Variants in CNTROB observed in about 807,000 individuals in gnomAD.
The protein encoded by CNTROB is centrobin, centriole duplication and spindle assembly protein, also known as centrobin.
In CNTROB, 82 loss-of-function variants were observed where a neutral mutation model predicts 115.7. That is an observed-to-expected ratio of 0.71 (90% CI 0.59 to 0.85). The LOEUF (loss-of-function observed/expected upper bound fraction) is 0.85. CNTROB is among the 40% of genes least tolerant of loss of function. The probability of loss-of-function intolerance (pLI) is 0.00; values close to 1 mark genes in which losing one functional copy is unlikely to be tolerated. For synonymous variants in CNTROB, 439 were observed against 456.4 expected, an observed-to-expected ratio of 0.96 and a Z score of 0.49; for missense variants, 1,014 against 1,144.4, an observed-to-expected ratio of 0.89 and a Z score of 1.64.
In CNTROB at chr17:7,943,465, G is replaced by A; in HGVS notation, c.1386G>A (p.Arg462=). The change falls in exon 10 of 19, where the codon CGG becomes CGA. Residue 462 remains arginine (R), a synonymous_variant. Coordinates refer to ENST00000563694, the MANE Select transcript of CNTROB (RefSeq NM_053051.5). This position sits in a 1 kb window ranked among gnomAD's most constrained non-coding sequence, Gnocchi z 4.7. ...AVQLEQRVTE[R]LAQAQESSLR... Reference sequence around the variant, plus strand: ...AGCTGGAGCAGCGGGTGACAGAGCGGCTGGCGCAGGCTCAGGAGAGCAGCC... The same window carrying A: ...AGCTGGAGCAGCGGGTGACAGAGCGACTGGCGCAGGCTCAGGAGAGCAGCC... 1.1e-5 allele frequency: 17 copies of A among 1,614,010 alleles called. No homozygotes were observed. The highest frequency in any genetic ancestry group is 1.4e-5 in the Non-Finnish European group (17 of 1,179,944).
chr17:7,948,115 A>G lies in CNTROB; in HGVS notation c.2210-42A>G, dbSNP rs376072260. The G allele has an allele frequency of 1.2e-6, 2 of 1,612,792 alleles. No homozygotes were observed. The highest frequency in any genetic ancestry group is 1.3e-5 in the African/African-American group (1 of 74,936). On this transcript the variant is annotated intron_variant, in intron 15 of 18. Coordinates refer to ENST00000563694, the MANE Select transcript of CNTROB (RefSeq NM_053051.5). This position sits in a 1 kb window ranked among gnomAD's most constrained non-coding sequence, Gnocchi z 4.4. ...TGGGTGGTGGGACTTCCTTGGTTCTATGCCCCATTTCCTGATTCTTGGCAT... is the reference window on the plus strand; with the variant it reads ...TGGGTGGTGGGACTTCCTTGGTTCTGTGCCCCATTTCCTGATTCTTGGCAT...
At position 7,945,656 on chromosome 17, in the gene CNTROB, G is replaced by T. The variant is rs569554184; in HGVS notation, c.1735-72G>T. The T allele has an allele frequency of 4.3e-5, 63 of 1,464,208 alleles. No individual in the cohort carries two copies. The African/African-American group carries it at 8.3e-4, about 19-fold the overall frequency. 90.7% of individuals were successfully genotyped at this position (1,464,208 alleles called of 1,614,324 possible). ...TCCGGAAATTTATAATCTTATTAAA[G>T]TGTTTGTACCATGTCTTATCTCTTT... On this transcript the variant is annotated intron_variant, in intron 12 of 18. Transcript: ENST00000563694.
chr17:7,949,129 C>G lies in CNTROB; in HGVS notation c.2558C>G (p.Ser853Cys). The part of the protein sequence containing the change: ...GDNVPRRNTD[S>C]RLGEIPRKEI... ...AATGTCCCCAGAAGGAACACAGACT[C>G]CCGCTTGGGTGAGATCCCCCGGAAA... The change falls in exon 18 of 19, where the codon TCC becomes TGC. Residue 853 changes from serine (S) to cysteine (C), a missense_variant. Transcript: ENST00000563694. The G allele has an allele frequency of 6.2e-7, 1 of 1,614,110 alleles. No homozygotes were observed. The highest frequency in any genetic ancestry group is 8.5e-7 in the Non-Finnish European group (1 of 1,179,998).
intron 4 of CNTROB, 52 bp downstream of exon 4, chr17:7,935,197 C>A (rs1471406827): frequency 1.9e-6 from 3 of 1,610,250 alleles, no homozygotes; most frequent in Admixed American, 1.7e-5. Context: ...AAAGAGGGGA[C>A]CCAAGTGTTG....
In CNTROB at chr17:7,943,506, C is replaced by T. The variant is rs201938880; in HGVS notation, c.1427C>T (p.Ser476Phe). Residue 476 changes from serine (S) to phenylalanine (F), a missense_variant, in exon 10 of 19, where the codon TCC becomes TTC. Ser to Phe is a radical substitution (Grantham distance 155, BLOSUM62 -2). Coordinates refer to ENST00000563694, the MANE Select transcript of CNTROB (RefSeq NM_053051.5). This position sits in a 1 kb window ranked among gnomAD's most constrained non-coding sequence, Gnocchi z 4.7. ...AQESSLRQAA[S>F]LREHHRKQLQ... ...GAGAGCAGCCTACGGCAAGCAGCCT[C>T]CCTCAGGGAACATCACAGGTACGTG... is the stretch of plus-strand genomic sequence containing the variant. The T allele has an allele frequency of 1.4e-5, 22 of 1,613,164 alleles. No homozygotes were observed. Among genetic ancestry groups the T allele is most frequent in the Non-Finnish European group, 1.8e-5 (21 of 1,179,384 alleles).
chr17:7,949,491 G>A lies in CNTROB; in HGVS notation c.2693G>A (p.Arg898Gln), dbSNP rs754474845. ...CCTGCCCCGAGTAGCATGAGGAGCC[G>A]GGGGGGAGTCTGGAGATGAGCCCCC... Reference protein sequence around the residue: ...GHPAPSSMRSRGGVWR With the variant: ...GHPAPSSMRSQGGVWR Residue 898 changes from arginine to glutamine, a missense_variant, in exon 19 of 19, where the codon CGG (arginine) becomes CAG (glutamine). Physicochemically the swap from Arg to Gln is conservative, Grantham distance 43. Transcript: ENST00000563694. 18 of 1,608,422 alleles carry A rather than the reference G, an allele frequency of 1.1e-5. No individual in the cohort carries two copies. Among genetic ancestry groups the A allele is most frequent in the Non-Finnish European group, 1.4e-5 (16 of 1,176,344 alleles).
intron 7 of CNTROB, among the ~76,000 whole-genome samples, chr17:7,938,272 T>C (rs991070336): frequency 2.0e-5 from 3 of 152,200 alleles, no homozygotes; most frequent in Non-Finnish European, 4.4e-5. Flanking sequence ...CCCAAAGTGC[T>C]GGGATTACAG....
chr17:7,948,823 C>G lies in CNTROB; in HGVS notation c.2513+204C>G. ...CTTTCTATTGCTTTTTTCTTCTAAA[C>G]AAAAAAATCTTTTCCCCGGGTCTCT... On this transcript the variant is annotated intron_variant, in intron 17 of 18. Transcript: ENST00000563694. The surrounding 1 kb of genome is among the most constrained non-coding windows in gnomAD (Gnocchi z 4.4). 6.8e-7 allele frequency: 1 copy of G among 1,464,584 alleles called. No individual in the cohort carries two copies. Among genetic ancestry groups the G allele is most frequent in the Non-Finnish European group, 9.0e-7 (1 of 1,108,454 alleles). 90.7% of individuals were successfully genotyped at this position (1,464,584 alleles called of 1,614,324 possible). A position where few individuals can be genotyped will look rare whatever the true frequency, so the allele number is the denominator to read the frequency against.
rs948611595 is a variant in CNTROB, at chr17:7,939,894, G to A, written c.1164+145G>A. The stretch of plus-strand genomic sequence containing the variant: ...CCATGTGTGGGAGACAAGGTTGAGA[G>A]TATAGGGCCAGCAGGAAGGGCTGGG... On this transcript the variant is annotated intron_variant, in intron 8 of 18. Coordinates refer to ENST00000563694, the MANE Select transcript of CNTROB (RefSeq NM_053051.5). This position sits in a 1 kb window ranked among gnomAD's most constrained non-coding sequence, Gnocchi z 4.4. 3 of 1,038,150 alleles carry A rather than the reference G, an allele frequency of 2.9e-6. No homozygotes were observed. Among genetic ancestry groups the A allele is most frequent in the African/African-American group, 3.2e-5 (2 of 62,952 alleles). The allele number at this position is 1,038,150 out of a possible 1,614,324, so 64.3% of individuals were successfully genotyped here.
Position 7,947,576 on chromosome 17 carries a change from G to A in CNTROB, c.1999G>A (p.Ala667Thr). Reference sequence around the variant, plus strand: ...ATACCTGTTTCACTTTATAGCTGGGGCCTTCTCTGCACTTGGGGCCTTCCA... The same window carrying A: ...ATACCTGTTTCACTTTATAGCTGGGACCTTCTCTGCACTTGGGGCCTTCCA... ...KPDLTSSTAGAFSALGAFHPD... is the reference protein window; with the variant it reads ...KPDLTSSTAGTFSALGAFHPD... Residue 667 changes from alanine to threonine, a missense_variant, in exon 14 of 19, where the codon GCC becomes ACC. Ala to Thr is a moderately conservative substitution (Grantham distance 58, BLOSUM62 0). Coordinates refer to ENST00000563694, the MANE Select transcript of CNTROB (RefSeq NM_053051.5). The A allele has an allele frequency of 6.2e-7, 1 of 1,603,406 alleles. No individual in the cohort carries two copies. Among genetic ancestry groups the A allele is most frequent in the Non-Finnish European group, 8.5e-7 (1 of 1,172,354 alleles).
Position 7,933,063 on chromosome 17 carries a change from G to T in CNTROB, c.-17G>T, listed in dbSNP as rs1159926790. 1.2e-6 allele frequency: 2 copies of T among 1,609,628 alleles called. No homozygotes were observed. Among genetic ancestry groups the T allele is most frequent in the African/African-American group, 1.3e-5 (1 of 74,758 alleles). The stretch of plus-strand genomic sequence containing the variant: ...TCCCAGCTCTTTGCTGTCTCCGGTT[G>T]TCTCTTCCCTGTATTCATGGCAACA... On this transcript the variant is annotated 5_prime_UTR_variant, in exon 1 of 19. Transcript: ENST00000563694.
intron 14 of CNTROB, 92 bp downstream of exon 14, chr17:7,947,814 C>T: frequency 6.2e-7 from 1 of 1,607,086 alleles, no homozygotes; most frequent in African/African-American, 1.3e-5. Context: ...TGGCCTCATT[C>T]CCTGTTTATG....
chr17:7,946,261 G>A (rs750649235), intron 13 of CNTROB, among the ~76,000 whole-genome samples: 2 of 152,220 alleles, frequency 1.3e-5, no homozygotes, highest in African/African-American at 2.4e-5. Flanking sequence ...CTGTGGGCCT[G>A]CATAGCCTCC....
intron 9 of CNTROB, among the ~76,000 whole-genome samples, chr17:7,941,350 A>G (rs1475646085): frequency 1.3e-5 from 2 of 152,182 alleles, no homozygotes; most frequent in Non-Finnish European, 2.9e-5. Context: ...CTGTAATCCC[A>G]GCACTGTGGG....
rs185051483 is a variant in CNTROB, at chr17:7,943,800, G to A, written c.1445+276G>A. Among the ~76,000 whole-genome samples, 2 of 152,202 alleles carry A rather than the reference G, an allele frequency of 1.3e-5. No individual in the cohort carries two copies. The highest frequency in any genetic ancestry group is 4.8e-5 in the African/African-American group (2 of 41,442). Reference sequence around the variant, plus strand: ...ATAGATGGTCCAGCTCCCTCACTGGGACAGTGCTGAGGTATGACCTGTGCT... The same window carrying A: ...ATAGATGGTCCAGCTCCCTCACTGGAACAGTGCTGAGGTATGACCTGTGCT... On this transcript the variant is annotated intron_variant, in intron 10 of 18. Coordinates refer to ENST00000563694, the MANE Select transcript of CNTROB (RefSeq NM_053051.5). This position sits in a 1 kb window ranked among gnomAD's most constrained non-coding sequence, Gnocchi z 4.7.
chr17:7,942,787 A>ATTT (rs71159534), intron 9 of CNTROB, among the ~76,000 whole-genome samples: 521 of 35,872 alleles, frequency 0.015, 46 homozygotes, highest in African/African-American at 0.019. Flanking sequence ...TACTCAGGGT[A>ATTT]TTTTTTTTTT....
At chr17:7,938,694 G>A (rs1364467404) in intron 7 of CNTROB, among the ~76,000 whole-genome samples, 4 of 152,166 alleles carry the variant, frequency 2.6e-5, no homozygotes, top group East Asian at 1.9e-4. Context: ...ACCAGGATTC[G>A]AACCTGAGAT....
chr17:7,947,858 C>T, intron 14 of CNTROB, 58 bp from the exon 15 acceptor site: 1 of 1,607,906 alleles, frequency 6.2e-7, no homozygotes, highest in South Asian at 1.1e-5. Flanking sequence ...TCTCTCAGAT[C>T]CCTGGGCGTT....
Position 7,936,793 on chromosome 17 carries a change from G to A in CNTROB, c.804G>A (p.Glu268=). 6.8e-7 allele frequency: 1 copy of A among 1,473,826 alleles called. No individual in the cohort carries two copies. Among genetic ancestry groups the A allele is most frequent in the East Asian group, 2.3e-5 (1 of 44,280 alleles). 91.3% of individuals were successfully genotyped at this position (1,473,826 alleles called of 1,614,324 possible). Reference sequence around the variant, plus strand: ...TTCAAGAGGAACACCAGGCAGCAGAGCTCACCAGAAGCAAGCAGCAGGAGG... The same window carrying A: ...TTCAAGAGGAACACCAGGCAGCAGAACTCACCAGAAGCAAGCAGCAGGAGG... The part of the protein sequence containing the change: ...RGLQEEHQAA[E]LTRSKQQETV... Residue 268 remains glutamate, a synonymous_variant, in exon 6 of 19, where the codon GAG becomes GAA. Transcript: ENST00000563694.
Sources: allele counts gnomAD v4.1 joint callset (sites outside exome capture counted in the v4.1 genomes callset), GRCh38; gene constraint gnomAD v4.1.1; non-coding constraint Gnocchi (gnomAD v3.1); transcripts MANE v1.5; gene names NCBI Gene and HGNC (gene_info 2026-07-23, HGNC 2026-07-21).